The following UNC79 variants were observed in gnomAD, a reference collection of about 807,000 sequenced individuals.
UNC79 encodes protein unc-79 homolog.
Under a neutral mutation model 283.1 loss-of-function variants are expected in UNC79, and 37 were observed. The ratio of observed to expected loss-of-function variants is 0.13; its 90% CI spans 0.10 to 0.17. The LOEUF (loss-of-function observed/expected upper bound fraction) is 0.17. Among genes scored for constraint, UNC79 ranks in the 10% least tolerant of loss-of-function variants. The pLI, the probability that UNC79 is intolerant of heterozygous loss-of-function variation, is 1.00. For synonymous variants in UNC79, 1,107 were observed against 1,200.2 expected (o/e 0.92, Z 1.61); for missense variants, 2,272 against 3,211.1 (o/e 0.71, Z 7.07).
At chr14:93,665,833 G>A (rs956927043) in intron 40 of UNC79, among the ~76,000 whole-genome samples, 1 of 151,990 alleles carries the variant, frequency 6.6e-6, no homozygotes. Context: ...AAATAAGAAG[G>A]CTTCTAATAG....
chr14:93,418,348 G>A (rs1285365926), intron 1 of UNC79, among the ~76,000 whole-genome samples: 19 of 151,692 alleles, frequency 1.3e-4, no homozygotes, highest in African/African-American at 4.1e-4. Flanking sequence ...TTCGTGAACC[G>A]TGAATGCTGC....
At chr14:93,659,460 C>G (rs757360877) in intron 39 of UNC79, among the ~76,000 whole-genome samples, 199 bp downstream of exon 42, 14 of 152,192 alleles carry the variant, frequency 9.2e-5, no homozygotes, top group Non-Finnish European at 1.6e-4. Flanking sequence ...TGGTTTATAA[C>G]TGGTCCTGCT....
chr14:93,519,327 T>C (rs2060213691), intron 7 of UNC79, among the ~76,000 whole-genome samples: 1 of 151,886 alleles, frequency 6.6e-6, no homozygotes, highest in African/African-American at 2.4e-5. Flanking sequence ...ATTTCAATTA[T>C]GGTATAACAA....
chr14:93,603,708 C>T (rs2065678437), intron 26 of UNC79, among the ~76,000 whole-genome samples: 1 of 152,154 alleles, frequency 6.6e-6, no homozygotes, highest in African/African-American at 2.4e-5. Flanking sequence ...AACATTTGCT[C>T]CTAAGTCCTA....
chr14:93,394,751 AC>A (rs1299160367), intron 1 of UNC79, among the ~76,000 whole-genome samples: 1 of 152,132 alleles, frequency 6.6e-6, no homozygotes, highest in African/African-American at 2.4e-5. Context: ...TCATTCTGTC[AC>A]CCAGGCTGGA....
chr14:93,666,594 A>G (rs1365869087), intron 40 of UNC79, among the ~76,000 whole-genome samples: 1 of 152,164 alleles, frequency 6.6e-6, no homozygotes, highest in Non-Finnish European at 1.5e-5. Flanking sequence ...CTAATAATAT[A>G]GCCTCCAAAT....
At chr14:93,495,118 G>A (rs1341988907) in intron 5 of UNC79, among the ~76,000 whole-genome samples, 1 of 152,130 alleles carries the variant, frequency 6.6e-6, no homozygotes, top group Non-Finnish European at 1.5e-5. Context: ...GCTGCAAGGG[G>A]CTTTGGGAAA....
Position 93,594,453 on chromosome 14 carries a change from A to G in UNC79, c.3190+616A>G, listed in dbSNP as rs190894642. On this transcript the variant is annotated intron_variant, in intron 23 of 48. Coordinates refer to ENST00000555664, the Ensembl canonical transcript of UNC79. ...CCAGGCTAATTTTTGTATTTTTAGT[A>G]GAGACAAGGTTTCAGTATGTTGATC... 3.9e-5 allele frequency among the ~76,000 whole-genome samples: 6 copies of G among 152,276 alleles called. No individual in the cohort carries two copies. In the East Asian group the frequency reaches 1.2e-3, roughly 29 times the overall value.
At chr14:93,346,234 A>T (rs745678351) in intron 1 of UNC79, among the ~76,000 whole-genome samples, 24 of 152,198 alleles carry the variant, frequency 1.6e-4, no homozygotes, top group Non-Finnish European at 2.8e-4. Context: ...ATCCAGAGAA[A>T]CCCTAGAGTG....
At chr14:93,667,680 T>A (rs979800308) in intron 40 of UNC79, among the ~76,000 whole-genome samples, 2 of 152,094 alleles carry the variant, frequency 1.3e-5, no homozygotes, top group South Asian at 4.1e-4. Flanking sequence ...TCCCAACACA[T>A]TTCATGAGGC....
chr14:93,447,040 T>A (rs546526713), intron 1 of UNC79, among the ~76,000 whole-genome samples: 1 of 152,340 alleles, frequency 6.6e-6, no homozygotes, highest in African/African-American at 2.4e-5. Context: ...TTGCTTCATG[T>A]GTTTGGAAGC....
At chr14:93,697,782 G>A (rs1030594227) in intron 47 of UNC79, among the ~76,000 whole-genome samples, 1 of 152,060 alleles carries the variant, frequency 6.6e-6, no homozygotes, top group Non-Finnish European at 1.5e-5. Context: ...TAATTAGCTG[G>A]GTATGGTAGC....
chr14:93,675,437 A>G (rs574307862), intron 41 of UNC79, among the ~76,000 whole-genome samples: 1 of 152,000 alleles, frequency 6.6e-6, no homozygotes, highest in South Asian at 2.1e-4. Context: ...ACAATTTAGC[A>G]ATTGAAGTTG....
chr14:93,412,475 C>T (rs749058791), intron 1 of UNC79, among the ~76,000 whole-genome samples: 22 of 87,648 alleles, frequency 2.5e-4, no homozygotes, highest in Non-Finnish European at 4.6e-4. Context: ...AGAAGACTAC[C>T]TCAAGGCATT....
intron 7 of UNC79, among the ~76,000 whole-genome samples, chr14:93,497,742 C>T (rs1437254942): frequency 6.6e-6 from 1 of 152,170 alleles, no homozygotes; most frequent in African/African-American, 2.4e-5. Flanking sequence ...AATACTAGCA[C>T]TTTGGGAGGC....
At chr14:93,610,648 T>C (rs1353082884) in intron 26 of UNC79, among the ~76,000 whole-genome samples, 5 of 152,022 alleles carry the variant, frequency 3.3e-5, no homozygotes, top group African/African-American at 1.2e-4. Flanking sequence ...TCTTGCTTTG[T>C]TGCCCAGGCT....
chr14:93,518,159 G>T (rs1158407689), intron 7 of UNC79, among the ~76,000 whole-genome samples: 1 of 152,038 alleles, frequency 6.6e-6, no homozygotes, highest in Non-Finnish European at 1.5e-5. Context: ...ATTTCTGAAA[G>T]AGTTTATGTA....
At chr14:93,595,172 C>G (rs947353877) in intron 23 of UNC79, among the ~76,000 whole-genome samples, 1 of 151,594 alleles carries the variant, frequency 6.6e-6, no homozygotes, top group African/African-American at 2.4e-5. Context: ...TCACTGCAAC[C>G]TCTGCCTCCC....
intron 1 of UNC79, among the ~76,000 whole-genome samples, chr14:93,450,367 A>G (rs1205987575): frequency 6.6e-6 from 1 of 152,154 alleles, no homozygotes; most frequent in African/African-American, 2.4e-5. Context: ...GCATTGGGTT[A>G]AAAGCATGGT....
Sources: gnomAD v4.1 joint callset for allele counts (sites outside exome capture counted in the v4.1 genomes callset) on GRCh38, gnomAD v4.1.1 for gene constraint, MANE v1.5 for transcripts, NCBI Gene and HGNC (gene_info 2026-07-23, HGNC 2026-07-21) for gene names.